The following CHN1 variants were observed in gnomAD, a reference collection of about 807,000 sequenced individuals.
CHN1 encodes chimerin 1, also known as N-chimaerin.
In CHN1, 37 loss-of-function variants were observed where a neutral mutation model predicts 59.5. The ratio of observed to expected loss-of-function variants is 0.62; its 90% CI spans 0.48 to 0.82. CHN1 has a LOEUF of 0.82. Ranked by LOEUF, CHN1 falls within the 40% of genes least tolerant of loss-of-function variation. The pLI, the probability that CHN1 is intolerant of heterozygous loss-of-function variation, is 0.00. For synonymous variants in CHN1, 206 were observed against 200.4 expected (o/e 1.03, Z -0.24); for missense variants, 469 against 571.0 (o/e 0.82, Z 1.82).
At chr2:174,962,872 T>C (rs1339751670) in intron 1 of CHN1, among the ~76,000 whole-genome samples, 1 of 152,196 alleles carries the variant, frequency 6.6e-6, no homozygotes, top group Non-Finnish European at 1.5e-5. Flanking sequence ...ATCGTGCCAC[T>C]GCACTCCAGC....
At chr2:174,894,548 G>A (rs554338033) in intron 5 of CHN1, among the ~76,000 whole-genome samples, 194 of 151,958 alleles carry the variant, frequency 1.3e-3, no homozygotes, top group Non-Finnish European at 2.2e-3. Context: ...AAAACACTAT[G>A]AAAAACAGTA....
chr2:174,995,887 C>T (rs1691690829), intron 1 of CHN1, among the ~76,000 whole-genome samples: 1 of 152,138 alleles, frequency 6.6e-6, no homozygotes, highest in African/African-American at 2.4e-5. Flanking sequence ...TCAAATAACC[C>T]TTATTTTACT....
chr2:174,840,764 CA>C (rs1193475400), intron 7 of CHN1, among the ~76,000 whole-genome samples: 1 of 152,044 alleles, frequency 6.6e-6, no homozygotes, highest in Non-Finnish European at 1.5e-5. Flanking sequence ...TTAGTATGTT[CA>C]ACAGCAATTT....
At chr2:174,840,129 G>GTAT (rs1423146081) in intron 7 of CHN1, among the ~76,000 whole-genome samples, 1 of 142,968 alleles carries the variant, frequency 7.0e-6, no homozygotes, top group East Asian at 2.0e-4. Context: ...AAAATTAAAG[G>GTAT]TATTTTGCCA....
Position 174,857,878 on chromosome 2 carries a change from A to G in CHN1, c.550-10921T>C, listed in dbSNP as rs148014334. On this transcript the variant is annotated intron_variant, in intron 6 of 12. Coordinates refer to ENST00000409900, the MANE Select transcript of CHN1 (RefSeq NM_001822.7). ...GTCAACAATAAGGAACTTTAAATCT[A>G]GTGCAAAATTCTTGAATCATAAACA... Among the ~76,000 whole-genome samples, 244 of 152,348 alleles carry G rather than the reference A, an allele frequency of 1.6e-3. 1 individual carries two copies. Among genetic ancestry groups the G allele is most frequent in the African/African-American group, 5.7e-3 (236 of 41,594 alleles).
intron 8 of CHN1, among the ~76,000 whole-genome samples, chr2:174,813,974 T>C (rs1685157928): frequency 1.3e-5 from 2 of 152,246 alleles, no homozygotes; most frequent in Non-Finnish European, 2.9e-5. Context: ...TTATTAGCTG[T>C]GATCTAGTTA....
chr2:174,830,480 C>T (rs1314947510), intron 7 of CHN1, among the ~76,000 whole-genome samples: 1 of 152,118 alleles, frequency 6.6e-6, no homozygotes, highest in South Asian at 2.1e-4. Flanking sequence ...CACCCTATAA[C>T]TCTGGAGTAA....
At chr2:174,868,465 G>A (rs1186263436) in intron 6 of CHN1, among the ~76,000 whole-genome samples, 3 of 152,150 alleles carry the variant, frequency 2.0e-5, no homozygotes, top group Non-Finnish European at 2.9e-5. Flanking sequence ...CTTCCTTAGA[G>A]AGCAAGTCCA....
At chr2:174,921,320 C>A (rs969939994) in intron 3 of CHN1, among the ~76,000 whole-genome samples, 1 of 152,090 alleles carries the variant, frequency 6.6e-6, no homozygotes, top group Non-Finnish European at 1.5e-5. Context: ...TGCATATTGG[C>A]GGTTGAACTG....
At chr2:174,865,726 A>G (rs774912469) in intron 6 of CHN1, among the ~76,000 whole-genome samples, 27 of 152,200 alleles carry the variant, frequency 1.8e-4, no homozygotes, top group Admixed American at 3.3e-4. Flanking sequence ...TTATAATCCT[A>G]GTCAGTAGCA....
chr2:174,939,274 T>G (rs1175571240), intron 3 of CHN1, among the ~76,000 whole-genome samples: 1 of 152,214 alleles, frequency 6.6e-6, no homozygotes. Flanking sequence ...TCAGCTTAGC[T>G]CTTCAAAAGT....
chr2:174,804,180 T>C lies in CHN1; in HGVS notation c.1103-2368A>G, dbSNP rs146235579. Among the ~76,000 whole-genome samples, 90 of 152,304 alleles carry C rather than the reference T, an allele frequency of 5.9e-4. 1 individual carries two copies. In the East Asian group the frequency reaches 0.016, roughly 28 times the overall value. On this transcript the variant is annotated intron_variant, in intron 11 of 12. Coordinates refer to ENST00000409900, the MANE Select transcript of CHN1 (RefSeq NM_001822.7). ...TGGTCAGGATAGACCTCAATGGGAA[T>C]GAGCCATGTGGAGATCTGGAGAAAG...
intron 3 of CHN1, 81 bp from the exon 4 acceptor site, chr2:174,918,646 A>G (rs1688918542): frequency 1.8e-6 from 2 of 1,124,834 alleles, no homozygotes; most frequent in Non-Finnish European, 1.3e-6. Context: ...TGCATGTGAC[A>G]AAGTAAAGCA....
intron 7 of CHN1, chr2:174,846,308 C>G (rs750583557): frequency 1.9e-6 from 3 of 1,547,212 alleles, no homozygotes; most frequent in East Asian, 2.5e-5. Flanking sequence ...ACTACACATA[C>G]GCATACATGG....
chr2:174,895,355 T>C (rs999306692), intron 5 of CHN1, among the ~76,000 whole-genome samples: 1 of 151,934 alleles, frequency 6.6e-6, no homozygotes, highest in Non-Finnish European at 1.5e-5. Context: ...AGGATCCACT[T>C]ATACGGATAT....
chr2:175,004,946 G>C lies in CHN1; in HGVS notation c.-34C>G. On this transcript the variant is annotated 5_prime_UTR_variant, in exon 1 of 13. Coordinates refer to ENST00000409900, the MANE Select transcript of CHN1 (RefSeq NM_001822.7). Reference sequence around the variant, plus strand: ...CGCTCGCCGCCGCCCGCGAGTCCAGGCGCTCCTCCCAGGCGGGCTAGGGAT... The same window carrying C: ...CGCTCGCCGCCGCCCGCGAGTCCAGCCGCTCCTCCCAGGCGGGCTAGGGAT... 1 of 1,526,198 alleles carries C rather than the reference G, an allele frequency of 6.6e-7. No homozygotes were observed. Among genetic ancestry groups the C allele is most frequent in the Non-Finnish European group, 8.8e-7 (1 of 1,140,042 alleles). The allele number at this position is 1,526,198 out of a possible 1,614,324, so 94.5% of individuals were successfully genotyped here.
At chr2:174,876,930 C>T (rs908493338) in intron 6 of CHN1, among the ~76,000 whole-genome samples, 1 of 152,182 alleles carries the variant, frequency 6.6e-6, no homozygotes, top group Non-Finnish European at 1.5e-5. Flanking sequence ...TTAGGTATTA[C>T]AACTTGCACA....
rs534148766 is a variant in CHN1 at position 174,834,485 on chromosome 2, AAAAT to A, written c.628-9971_628-9968del. On this transcript the variant is annotated intron_variant, in intron 7 of 12. Transcript: ENST00000409900. ...TTCACTCAGCTTTTGTTTGTTTAAA[AAAAT>A]AAATATTTTCTCTTCATCTCTGAAA... Among the ~76,000 whole-genome samples, 692 of 152,352 alleles carry A rather than the reference AAAAT, an allele frequency of 4.5e-3. 5 individuals carry two copies. Among genetic ancestry groups the A allele is most frequent in the African/African-American group, 0.016 (652 of 41,576 alleles).
At chr2:174,961,119 GGGAA>G (rs1294601167) in intron 1 of CHN1, among the ~76,000 whole-genome samples, 1 of 89,536 alleles carries the variant, frequency 1.1e-5, no homozygotes, top group Admixed American at 1.5e-4. Flanking sequence ...CACTGACGGA[GGGAA>G]GGAAGGAAGG....
Sources: allele counts gnomAD v4.1 joint callset (sites outside exome capture counted in the v4.1 genomes callset), GRCh38; gene constraint gnomAD v4.1.1; transcripts MANE v1.5; gene names NCBI Gene and HGNC (gene_info 2026-07-23, HGNC 2026-07-21).